APC2: variants seen among roughly 807,000 people sequenced by gnomAD.
APC2 encodes adenomatous polyposis coli protein 2.
Under a neutral mutation model 72.5 loss-of-function variants are expected in APC2, and 41 were observed. That is an observed-to-expected ratio of 0.57 (90% CI 0.44 to 0.73). APC2 has a LOEUF of 0.73. Ranked by LOEUF, APC2 falls within the 30% of genes least tolerant of loss-of-function variation. APC2 has a pLI of 0.00. For synonymous variants in APC2, 1,898 were observed against 1,612.0 expected (o/e 1.18, Z -4.25); for missense variants, 3,729 against 3,403.4 (o/e 1.10, Z -2.38).
chr19:1,462,324 C>T (rs1196084887), intron 14 of APC2, 147 bp downstream of exon 14: 10 of 737,910 alleles, frequency 1.4e-5, no homozygotes, highest in Non-Finnish European at 1.9e-5. Context: ...CCAAATACTG[C>T]GTGAGATATA....
chr19:1,446,677 G>A (rs2083690645), upstream of APC2, among the ~76,000 whole-genome samples: 1 of 152,066 alleles, frequency 6.6e-6, no homozygotes, highest in Non-Finnish European at 1.5e-5. The surrounding 1 kb of genome is among the most constrained non-coding windows in gnomAD (Gnocchi z 6.1). Flanking sequence ...CGCCAGCTGG[G>A]GCGGCGGGGG....
chr19:1,467,306 C>A lies in APC2; in HGVS notation c.4005C>A (p.Ala1335=). 2 of 1,329,726 alleles carry A rather than the reference C, an allele frequency of 1.5e-6. No homozygotes were observed. The highest frequency in any genetic ancestry group is 2.0e-5 in the South Asian group (1 of 50,280). The allele number at this position is 1,329,726 out of a possible 1,614,324, so 82.4% of individuals were successfully genotyped here. A position where few individuals can be genotyped will look rare whatever the true frequency, so the allele number is the denominator to read the frequency against. Reference sequence around the variant, plus strand: ...CCACGGGTTCTCGCCCTCGCGGCGCCGCGGACCAGGAGCTGGAACTGCTGC... The same window carrying A: ...CCACGGGTTCTCGCCCTCGCGGCGCAGCGGACCAGGAGCTGGAACTGCTGC... ...PAPTGSRPRG[A]ADQELELLRE... is the part of the protein sequence containing the mutation. The change falls in exon 15 of 15, where the codon GCC becomes GCA. Residue 1335 remains alanine (A), a synonymous_variant. Transcript: ENST00000590469.
intron 9 of APC2, 40 bp downstream of exon 9, chr19:1,457,283 C>T: frequency 6.7e-7 from 1 of 1,484,922 alleles, no homozygotes; most frequent in Non-Finnish European, 8.9e-7. Context: ...GCGCAATTAA[C>T]GTGCAGCTAG....
rs2083937673 is a variant in APC2, at chr19:1,462,194, C to G, written c.1853+17C>G. The G allele has an allele frequency of 7.9e-6, 12 of 1,528,524 alleles. No homozygotes were observed. The highest frequency in any genetic ancestry group is 1.2e-5 in the South Asian group (1 of 81,102). The allele number at this position is 1,528,524 out of a possible 1,614,324, so 94.7% of individuals were successfully genotyped here. ...GGACTACAGGTCGGCCCCCACCCCC[C>G]CACCCGCACACAGGCAGCTGCGCTC... On this transcript the variant is annotated intron_variant, in intron 14 of 14. Coordinates refer to ENST00000590469, the MANE Select transcript of APC2 (RefSeq NM_005883.3).
At position 1,469,263 on chromosome 19, in the gene APC2, C is replaced by T. The variant is rs1010420988; in HGVS notation, c.5962C>T (p.Arg1988Cys). Residue 1988 changes from arginine to cysteine, a missense_variant, in exon 15 of 15, where the codon CGC becomes TGC. Arg to Cys is a radical substitution (Grantham distance 180, BLOSUM62 -3). Transcript: ENST00000590469. ...CTCCAGCGGCAGCGAGTCCTCCGAC[C>T]GCTCGGGCTTCCGGCGACAGCTAAC... ...ALSSGSESSDRSGFRRQLTFI... is the reference protein window; with the variant it reads ...ALSSGSESSDCSGFRRQLTFI... 158 of 1,426,934 alleles carry T rather than the reference C, an allele frequency of 1.1e-4. No homozygotes were observed. Among genetic ancestry groups the T allele is most frequent in the Middle Eastern group, 2.5e-4 (1 of 3,968 alleles). 88.4% of individuals were successfully genotyped at this position (1,426,934 alleles called of 1,614,324 possible).
chr19:1,455,621 G>C, intron 6 of APC2, 121 bp downstream of exon 6: 1 of 968,100 alleles, frequency 1.0e-6, no homozygotes, highest in Non-Finnish European at 1.5e-6. Context: ...CTCCTGGGTT[G>C]GGGGGCGCGG....
At position 1,465,876 on chromosome 19, in the gene APC2, G is replaced by A. The variant is rs752199141; in HGVS notation, c.2575G>A (p.Glu859Lys). The A allele has an allele frequency of 2.7e-5, 43 of 1,568,666 alleles. No homozygotes were observed. Among genetic ancestry groups the A allele is most frequent in the Non-Finnish European group, 3.4e-5 (40 of 1,160,788 alleles). ...AGTGGCGCGCATCGACCAGCTGGTGGAGGACATCTCCGCCCTGCACACCTC... is the reference window on the plus strand; with the variant it reads ...AGTGGCGCGCATCGACCAGCTGGTGAAGGACATCTCCGCCCTGCACACCTC... The part of the protein sequence containing the change: ...LAVARIDQLV[E>K]DISALHTSSD... Residue 859 changes from glutamate to lysine, a missense_variant, in exon 15 of 15, where the codon GAG becomes AAG. Glu to Lys is a moderately conservative substitution (Grantham distance 56). Coordinates refer to ENST00000590469, the MANE Select transcript of APC2 (RefSeq NM_005883.3).
chr19:1,455,863 TAG>T (rs1242007642), intron 6 of APC2, among the ~76,000 whole-genome samples: 1 of 123,692 alleles, frequency 8.1e-6, no homozygotes, highest in African/African-American at 3.2e-5. Context: ...AGGCGGGGTT[TAG>T]ACAGTGGGTG....
At chr19:1,459,983 T>TG (rs2083897492) in intron 10 of APC2, among the ~76,000 whole-genome samples, 198 bp from the exon 11 acceptor site, 1 of 152,144 alleles carries the variant, frequency 6.6e-6, no homozygotes, top group Non-Finnish European at 1.5e-5. Flanking sequence ...CACAGGGCAC[T>TG]GGGGGTACCC....
rs1022947706 is a variant in APC2, at chr19:1,468,061, GCGAGCC to G, written c.4768_4773del (p.Glu1590_Pro1591del). 1 of 1,571,108 alleles carries G rather than the reference GCGAGCC, an allele frequency of 6.4e-7. No homozygotes were observed. Among genetic ancestry groups the G allele is most frequent in the African/African-American group, 1.4e-5 (1 of 71,568 alleles). On this transcript the variant is annotated inframe_deletion, in exon 15 of 15. Coordinates refer to ENST00000590469, the MANE Select transcript of APC2 (RefSeq NM_005883.3). The stretch of plus-strand genomic sequence containing the variant: ...CTGAGCTCCTCCGCCAGCTCCCTCA[GCGAGCC>G]CGAGCCCTCGGAGCCGCCGGCCGTC...
chr19:1,469,587 G>T lies in APC2; in HGVS notation c.6286G>T (p.Val2096Phe). Reference sequence around the variant, plus strand: ...CGCGCCCGCCGCCCGGCCGGAGACTGTCAAGCGCTACGCGTCGCTGCCGCA... The same window carrying T: ...CGCGCCCGCCGCCCGGCCGGAGACTTTCAAGCGCTACGCGTCGCTGCCGCA... ...VRAPAARPET[V>F]KRYASLPHIS... The change falls in exon 15 of 15, where the codon GTC becomes TTC. Residue 2096 changes from valine to phenylalanine, a missense_variant. By Grantham distance (50) the Val-to-Phe change is conservative. Coordinates refer to ENST00000590469, the MANE Select transcript of APC2 (RefSeq NM_005883.3). 7.9e-7 allele frequency: 1 copy of T among 1,260,232 alleles called. No individual in the cohort carries two copies. The highest frequency in any genetic ancestry group is 1.0e-6 in the Non-Finnish European group (1 of 990,734). 78.1% of individuals were successfully genotyped at this position (1,260,232 alleles called of 1,614,324 possible). A position where few individuals can be genotyped will look rare whatever the true frequency, so the allele number is the denominator to read the frequency against.
At chr19:1,448,980 G>C (rs2083713255), upstream of APC2, among the ~76,000 whole-genome samples, 1 of 152,362 alleles carries the variant, frequency 6.6e-6, no homozygotes, top group African/African-American at 2.4e-5. Context: ...CCAGGCCGAA[G>C]GGCTCTCAGC....
chr19:1,465,096 C>T, intron 14 of APC2, 59 bp from the exon 15 acceptor site: 2 of 1,542,062 alleles, frequency 1.3e-6, no homozygotes, highest in Non-Finnish European at 8.8e-7. Context: ...GCCCCCCCAT[C>T]CTTCGGTGGG....
upstream of APC2, among the ~76,000 whole-genome samples, chr19:1,448,524 G>A (rs1329075757): frequency 2.9e-5 from 4 of 138,874 alleles, no homozygotes; most frequent in Non-Finnish European, 4.7e-5. Flanking sequence ...GCAGCCTGGG[G>A]GACAGAGCAA....
Position 1,462,076 on chromosome 19 carries a change from C to T in APC2, c.1752C>T (p.Thr584=), listed in dbSNP as rs776850925. 6 of 1,613,064 alleles carry T rather than the reference C, an allele frequency of 3.7e-6. No individual in the cohort carries two copies. The African/African-American group carries it at 5.3e-5, about 14-fold the overall frequency. ...VDGALGFLVS[T]LTYKCQSNSL... ...GCGCCCTGGGCTTCCTGGTGAGCAC[C>T]CTGACCTACAAGTGTCAGAGCAACT... The change falls in exon 14 of 15, where the codon ACC becomes ACT. Residue 584 remains threonine, a synonymous_variant. Transcript: ENST00000590469.
chr19:1,457,588 T>A, intron 9 of APC2: 1 of 504,866 alleles, frequency 2.0e-6, no homozygotes, highest in Non-Finnish European at 3.5e-6. Context: ...ATCCCAGCAC[T>A]TTGGAAGGCA....
chr19:1,463,492 A>G (rs1425764200), intron 14 of APC2, among the ~76,000 whole-genome samples: 2 of 150,928 alleles, frequency 1.3e-5, no homozygotes, highest in East Asian at 3.9e-4. Flanking sequence ...CTGAGGCAGG[A>G]GAATTGCTTG....
chr19:1,462,097 C>T lies in APC2; in HGVS notation c.1773C>T (p.Ser591=). 1 of 1,612,966 alleles carries T rather than the reference C, an allele frequency of 6.2e-7. No homozygotes were observed. The highest frequency in any genetic ancestry group is 8.5e-7 in the Non-Finnish European group (1 of 1,180,012). ...LVSTLTYKCQ[S]NSLAIIESGG... is the part of the protein sequence containing the mutation. ...GCACCCTGACCTACAAGTGTCAGAG[C>T]AACTCGCTGGCCATCATCGAGAGCG... The change falls in exon 14 of 15, where the codon AGC becomes AGT. Residue 591 remains serine, a synonymous_variant. Transcript: ENST00000590469.
At position 1,455,412 on chromosome 19, in the gene APC2, G is replaced by A. The variant is rs2083806790; in HGVS notation, c.551G>A (p.Arg184Gln). Residue 184 changes from arginine to glutamine, a missense_variant, in exon 6 of 15, where the codon CGG becomes CAG. Physicochemically the swap from Arg to Gln is conservative, Grantham distance 43. Coordinates refer to ENST00000590469, the MANE Select transcript of APC2 (RefSeq NM_005883.3). Reference protein sequence around the residue: ...TQFSMQMDLIRQQLEFEAQHI... With the variant: ...TQFSMQMDLIQQQLEFEAQHI... ...TTCTCGATGCAGATGGACCTGATCC[G>A]GCAGCAGCTTGAGTTCGAGGCCCAG... 6.2e-7 allele frequency: 1 copy of A among 1,609,142 alleles called. No individual in the cohort carries two copies. The highest frequency in any genetic ancestry group is 1.7e-5 in the Admixed American group (1 of 59,648).
Sources: allele counts gnomAD v4.1 joint callset (sites outside exome capture counted in the v4.1 genomes callset), GRCh38; gene constraint gnomAD v4.1.1; non-coding constraint Gnocchi (gnomAD v3.1); transcripts MANE v1.5; gene names NCBI Gene and HGNC (gene_info 2026-07-23, HGNC 2026-07-21).